The following R3HDM1 variants were observed in gnomAD, a reference collection of about 807,000 sequenced individuals.
The protein encoded by R3HDM1 is R3H domain-containing protein 1.
In R3HDM1, 46 loss-of-function variants were observed where a neutral mutation model predicts 141.1. The observed-to-expected ratio is 0.33, with a 90% CI of 0.26 to 0.42. The LOEUF (loss-of-function observed/expected upper bound fraction) is 0.42. Among genes scored for constraint, R3HDM1 ranks in the 10% least tolerant of loss-of-function variants. The pLI, the probability that R3HDM1 is intolerant of heterozygous loss-of-function variation, is 1.00. For synonymous variants in R3HDM1, 435 were observed against 472.9 expected (o/e 0.92, Z 1.04); for missense variants, 1,184 against 1,368.3 (o/e 0.87, Z 2.12).
At chr2:135,534,537 T>C (rs1398374688) in intron 1 of R3HDM1, among the ~76,000 whole-genome samples, 1 of 152,268 alleles carries the variant, frequency 6.6e-6, no homozygotes, top group Non-Finnish European at 1.5e-5. Context: ...GTTCTTGGAA[T>C]TTGTATAGTT....
At chr2:135,575,473 T>G (rs1028124958) in intron 1 of R3HDM1, among the ~76,000 whole-genome samples, 1 of 152,198 alleles carries the variant, frequency 6.6e-6, no homozygotes, top group Non-Finnish European at 1.5e-5. Context: ...TGAGCCAACA[T>G]GCCCGGCCCA....
chr2:135,654,701 G>A (rs1051842237), intron 18 of R3HDM1, among the ~76,000 whole-genome samples: 6 of 151,818 alleles, frequency 4.0e-5, no homozygotes, highest in Admixed American at 2.0e-4. Context: ...CTCCCGCCTC[G>A]GCCTCCCAAA....
At chr2:135,669,833 T>G (rs2068061470) in intron 19 of R3HDM1, among the ~76,000 whole-genome samples, 1 of 152,124 alleles carries the variant, frequency 6.6e-6, no homozygotes, top group South Asian at 2.1e-4. Context: ...CATTTGAGGC[T>G]TAGGTATTAA....
intron 1 of R3HDM1, among the ~76,000 whole-genome samples, chr2:135,555,012 G>A (rs1032100818): frequency 2.6e-5 from 4 of 152,026 alleles, no homozygotes; most frequent in Admixed American, 2.6e-4. Context: ...AAACTTAAAA[G>A]TAAAATAAGT....
intron 1 of R3HDM1, among the ~76,000 whole-genome samples, chr2:135,557,043 T>C (rs1700914902): frequency 6.6e-6 from 1 of 152,186 alleles, no homozygotes; most frequent in Non-Finnish European, 1.5e-5. Flanking sequence ...TACTGCTCTT[T>C]AAAGATTGAA....
intron 21 of R3HDM1, among the ~76,000 whole-genome samples, chr2:135,698,427 G>A (rs1267959987): frequency 6.6e-6 from 1 of 152,042 alleles, no homozygotes; most frequent in Non-Finnish European, 1.5e-5. Context: ...CCAAAGTGCT[G>A]GGATTACAGG....
intron 1 of R3HDM1, among the ~76,000 whole-genome samples, chr2:135,537,347 G>A (rs191162171): frequency 9.3e-5 from 13 of 139,128 alleles, no homozygotes; most frequent in African/African-American, 3.3e-4. Flanking sequence ...GTGCAGTGGC[G>A]CAATCTCGGC....
intron 1 of R3HDM1, among the ~76,000 whole-genome samples, chr2:135,541,868 A>G (rs200895335): frequency 0.026 from 3,700 of 143,890 alleles, 137 homozygotes; most frequent in African/African-American, 0.091. Flanking sequence ...AAAAAAAAAA[A>G]AAAGAAAGAA....
intron 1 of R3HDM1, among the ~76,000 whole-genome samples, chr2:135,573,965 A>T (rs1704758170): frequency 1.3e-5 from 2 of 152,304 alleles, no homozygotes; most frequent in East Asian, 3.9e-4. Context: ...TCAAAACAAA[A>T]TTTAGGAAAA....
chr2:135,712,403 G>C (rs938054215), intron 23 of R3HDM1, among the ~76,000 whole-genome samples: 1 of 147,766 alleles, frequency 6.8e-6, no homozygotes, highest in Non-Finnish European at 1.5e-5. Context: ...AGCTGAGACC[G>C]CATGCACACC....
At chr2:135,536,167 A>AGTATTT (rs1696057508) in intron 1 of R3HDM1, among the ~76,000 whole-genome samples, 1 of 151,894 alleles carries the variant, frequency 6.6e-6, no homozygotes, top group Non-Finnish European at 1.5e-5. Flanking sequence ...AGAGACAGGG[A>AGTATTT]TTCACCCTGT....
intron 19 of R3HDM1, chr2:135,667,125 A>G (rs1574866354): frequency 1.1e-6 from 1 of 931,186 alleles, no homozygotes; most frequent in African/African-American, 1.8e-5. Context: ...AGTTCAGATC[A>G]CCTATATAAA....
intron 1 of R3HDM1, chr2:135,543,001 G>T: frequency 4.2e-6 from 3 of 715,038 alleles, no homozygotes; most frequent in Non-Finnish European, 5.1e-6. Context: ...GCCTCCCAAA[G>T]TGCTGGGATT....
chr2:135,531,500 C>A lies in R3HDM1; in HGVS notation c.-383C>A. 1 of 985,922 alleles carries A rather than the reference C, an allele frequency of 1.0e-6. No homozygotes were observed. Among genetic ancestry groups the A allele is most frequent in the Non-Finnish European group, 1.2e-6 (1 of 830,046 alleles). The allele number at this position is 985,922 out of a possible 1,614,324, so 61.1% of individuals were successfully genotyped here. ...AGGGGCGGGATTCTGCCAGCCGCGG[C>A]TGCCGCTGGAGCCGGTGTCCGGGCT... On this transcript the variant is annotated 5_prime_UTR_variant, in exon 1 of 27. The change creates a new upstream start codon in the 5' untranslated region. Transcript: ENST00000683871.
chr2:135,699,023 A>AT (rs1444589429), intron 21 of R3HDM1, among the ~76,000 whole-genome samples: 221 of 95,620 alleles, frequency 2.3e-3, no homozygotes, highest in East Asian at 0.018. Context: ...AGATAGATAG[A>AT]TAGATAGATA....
chr2:135,658,506 A>G (rs1298136093), intron 18 of R3HDM1, among the ~76,000 whole-genome samples: 1 of 152,138 alleles, frequency 6.6e-6, no homozygotes, highest in Non-Finnish European at 1.5e-5. Flanking sequence ...TAGTGCACTT[A>G]ACCATGTATG....
chr2:135,655,041 A>G (rs1173041301), intron 18 of R3HDM1, among the ~76,000 whole-genome samples: 3 of 152,170 alleles, frequency 2.0e-5, no homozygotes, highest in Non-Finnish European at 4.4e-5. Context: ...TTTGATGGAC[A>G]AAAGTTTTTT....
At chr2:135,575,625 C>T (rs1389369595) in intron 1 of R3HDM1, among the ~76,000 whole-genome samples, 1 of 152,160 alleles carries the variant, frequency 6.6e-6, no homozygotes, top group Non-Finnish European at 1.5e-5. Flanking sequence ...TCAATAGACT[C>T]ATATACAGAC....
intron 21 of R3HDM1, among the ~76,000 whole-genome samples, chr2:135,690,098 CTT>C (rs944456725): frequency 2.0e-5 from 3 of 152,032 alleles, no homozygotes; most frequent in African/African-American, 7.2e-5. Flanking sequence ...ACTTTTAAGT[CTT>C]TTTCCCTTTT....
Sources: gnomAD v4.1 joint callset for allele counts (sites outside exome capture counted in the v4.1 genomes callset) on GRCh38, gnomAD v4.1.1 for gene constraint, MANE v1.5 for transcripts, NCBI Gene and HGNC (gene_info 2026-07-23, HGNC 2026-07-21) for gene names.